PDE6B: variants seen among roughly 807,000 people sequenced by gnomAD.
PDE6B encodes phosphodiesterase 6B, also known as rod cGMP-specific 3',5'-cyclic phosphodiesterase subunit beta.
PDE6B carries 106 observed loss-of-function variants against 109.0 expected under a neutral mutation model. That is an observed-to-expected ratio of 0.97 (90% CI 0.83 to 1.14). The LOEUF is 1.14. Among genes scored for constraint, PDE6B ranks in the 50% most tolerant of loss-of-function variants. The pLI is 0.00. For synonymous variants in PDE6B, 490 were observed against 471.3 expected, an observed-to-expected ratio of 1.04 and a Z score of -0.51; for missense variants, 1,193 against 1,155.6, an observed-to-expected ratio of 1.03 and a Z score of -0.47.
chr4:628,373 A>T (rs909779359), intron 1 of PDE6B, among the ~76,000 whole-genome samples: 2 of 152,158 alleles, frequency 1.3e-5, no homozygotes, highest in Admixed American at 6.5e-5. Context: ...GCTGTGGTGG[A>T]AGAGTCCCTC....
intron 3 of PDE6B, among the ~76,000 whole-genome samples, chr4:651,369 G>A (rs535897345): frequency 2.2e-4 from 33 of 152,286 alleles, no homozygotes; most frequent in African/African-American, 7.2e-4. Context: ...CTCAGGGGGG[G>A]CCTCCTGGAA....
In PDE6B at chr4:654,344, GGGCTGGTCCCTGAATGAGGGCCGCCA is replaced by G. The variant is rs1420727507; in HGVS notation, c.927+199_927+224del. ...CTGCACTCCAGGGATGGGGTGTCCA[GGGCTGGTCCCTGAATGAGGGCCGCCA>G]GGCTGGTCGTGAAGACCCACGTCGG... is the stretch of plus-strand genomic sequence containing the variant. On this transcript the variant is annotated intron_variant, in intron 5 of 21. Transcript: ENST00000496514. 5.6e-5 allele frequency: 39 copies of G among 695,624 alleles called. No individual in the cohort carries two copies. In the African/African-American group the frequency reaches 6.0e-4, roughly 11 times the overall value. 43.1% of individuals were successfully genotyped at this position (695,624 alleles called of 1,614,324 possible).
chr4:625,750 C>A lies in PDE6B; in HGVS notation c.124C>A (p.Pro42Thr), dbSNP rs949398735. ...CGCGGCCTGCGAGGACGGGTGCCCGCCGGACTGCGACAGCCTCCGGGACCT... is the reference window on the plus strand; with the variant it reads ...CGCGGCCTGCGAGGACGGGTGCCCGACGGACTGCGACAGCCTCCGGGACCT... Reference protein sequence around the residue: ...VAAACEDGCPPDCDSLRDLCQ... With the variant: ...VAAACEDGCPTDCDSLRDLCQ... Residue 42 changes from proline to threonine, a missense_variant, in exon 1 of 22, where the codon CCG becomes ACG. By Grantham distance (38) the Pro-to-Thr change is conservative. Transcript: ENST00000496514. The surrounding 1 kb of genome is among the most constrained non-coding windows in gnomAD (Gnocchi z 5.0). 8 of 1,613,524 alleles carry A rather than the reference C, an allele frequency of 5.0e-6. No homozygotes were observed. The highest frequency in any genetic ancestry group is 5.9e-6 in the Non-Finnish European group (7 of 1,179,962).
intron 1 of PDE6B, among the ~76,000 whole-genome samples, chr4:630,445 C>T (rs1489380897): frequency 2.0e-5 from 3 of 152,128 alleles, no homozygotes; most frequent in Non-Finnish European, 4.4e-5. Context: ...GAAAGGAGAG[C>T]AGGTGTCAGT....
At position 625,843 on chromosome 4, in the gene PDE6B, G is replaced by C; in HGVS notation, c.217G>C (p.Glu73Gln). 6.2e-7 allele frequency: 1 copy of C among 1,612,740 alleles called. No homozygotes were observed. The highest frequency in any genetic ancestry group is 8.5e-7 in the Non-Finnish European group (1 of 1,179,818). ...VQDMQESINMERVVFKVLRRL... is the reference protein window; with the variant it reads ...VQDMQESINMQRVVFKVLRRL... The stretch of plus-strand genomic sequence containing the variant: ...GGATATGCAGGAGAGCATCAACATG[G>C]AGCGCGTGGTCTTCAAGGTCCTGCG... The change falls in exon 1 of 22, where the codon GAG (glutamate) becomes CAG (glutamine). Residue 73 changes from glutamate (E) to glutamine (Q), a missense_variant. Physicochemically the swap from Glu to Gln is conservative, Grantham distance 29. Coordinates refer to ENST00000496514, the MANE Select transcript of PDE6B (RefSeq NM_000283.4). This position sits in a 1 kb window ranked among gnomAD's most constrained non-coding sequence, Gnocchi z 5.0.
intron 1 of PDE6B, among the ~76,000 whole-genome samples, chr4:631,808 G>C (rs1270563935): frequency 6.7e-6 from 1 of 148,938 alleles, no homozygotes; most frequent in Non-Finnish European, 1.5e-5. Context: ...ACCATCAAAG[G>C]GTCATGAGGG....
Position 665,139 on chromosome 4 carries a change from G to T in PDE6B, c.2194-116G>T. 1.2e-6 allele frequency: 1 copy of T among 869,544 alleles called. No homozygotes were observed. The highest frequency in any genetic ancestry group is 1.4e-5 in the South Asian group (1 of 72,644). The allele number at this position is 869,544 out of a possible 1,614,324, so 53.9% of individuals were successfully genotyped here. A position where few individuals can be genotyped will look rare whatever the true frequency, so the allele number is the denominator to read the frequency against. ...TGGCTCAACCGGAGCCCTGTGTGGTGGGGACCCCGGGGGTCTGGGGCGGAG... is the reference window on the plus strand; with the variant it reads ...TGGCTCAACCGGAGCCCTGTGTGGTTGGGACCCCGGGGGTCTGGGGCGGAG... On this transcript the variant is annotated intron_variant, in intron 18 of 21. Transcript: ENST00000496514. The surrounding 1 kb of genome is among the most constrained non-coding windows in gnomAD (Gnocchi z 4.0).
chr4:662,630 A>C lies in PDE6B; in HGVS notation c.1832+12A>C. ...CTGTACCAGATGAAGTAGGCACCTC[A>C]GGGCGGGCATGTGAATTAGCCCTAA... is the stretch of plus-strand genomic sequence containing the variant. On this transcript the variant is annotated intron_variant, in intron 14 of 21. Coordinates refer to ENST00000496514, the MANE Select transcript of PDE6B (RefSeq NM_000283.4). This position sits in a 1 kb window ranked among gnomAD's most constrained non-coding sequence, Gnocchi z 4.3. 2 of 1,510,800 alleles carry C rather than the reference A, an allele frequency of 1.3e-6. No individual in the cohort carries two copies. Among genetic ancestry groups the C allele is most frequent in the Non-Finnish European group, 1.8e-6 (2 of 1,086,378 alleles). 93.6% of individuals were successfully genotyped at this position (1,510,800 alleles called of 1,614,324 possible). A position where few individuals can be genotyped will look rare whatever the true frequency, so the allele number is the denominator to read the frequency against.
rs1736048705 is a variant in PDE6B, at chr4:655,021, T to G, written c.992+133T>G. On this transcript the variant is annotated intron_variant, in intron 6 of 21. Coordinates refer to ENST00000496514, the MANE Select transcript of PDE6B (RefSeq NM_000283.4). ...AGCACCGGCCTGGCCTGGCCCCACC[T>G]GTGGTGCTCTGTGTGCCGTGGGGCA... is the stretch of plus-strand genomic sequence containing the variant. 4 of 714,762 alleles carry G rather than the reference T, an allele frequency of 5.6e-6. No individual in the cohort carries two copies. In the South Asian group the frequency reaches 5.9e-5, roughly 11 times the overall value. The allele number at this position is 714,762 out of a possible 1,614,324, so 44.3% of individuals were successfully genotyped here. A position where few individuals can be genotyped will look rare whatever the true frequency, so the allele number is the denominator to read the frequency against.
chr4:656,856 T>C lies in PDE6B; in HGVS notation c.1108-18T>C. The C allele has an allele frequency of 1.9e-6, 3 of 1,612,346 alleles. No individual in the cohort carries two copies. Among genetic ancestry groups the C allele is most frequent in the Non-Finnish European group, 2.5e-6 (3 of 1,179,664 alleles). On this transcript the variant is annotated intron_variant, in intron 8 of 21. Coordinates refer to ENST00000496514, the MANE Select transcript of PDE6B (RefSeq NM_000283.4). ...CCAGCCTCAGGGCGGAGCTCAGCTC[T>C]GGACACCGCTCCCGCAGGAAGGGGC...
intron 1 of PDE6B, 83 bp from the exon 2 acceptor site, chr4:634,594 A>C: frequency 3.5e-6 from 4 of 1,145,656 alleles, no homozygotes; most frequent in Non-Finnish European, 4.0e-6. Flanking sequence ...CAGCCCCCAC[A>C]GAGCTTGACG....
intron 1 of PDE6B, among the ~76,000 whole-genome samples, chr4:627,308 G>T (rs1355809087): frequency 6.6e-6 from 1 of 152,080 alleles, no homozygotes; most frequent in Non-Finnish European, 1.5e-5. Flanking sequence ...ACCACACCCG[G>T]CTAATTTTTG....
chr4:632,534 G>T (rs998053000), intron 1 of PDE6B, among the ~76,000 whole-genome samples: 6 of 151,310 alleles, frequency 4.0e-5, no homozygotes, highest in African/African-American at 1.5e-4. Flanking sequence ...ATCATGTTGT[G>T]TGGATCTGCA....
In PDE6B at chr4:670,069, G is replaced by A. The variant is rs367709559; in HGVS notation, c.2527G>A (p.Gly843Ser). Residue 843 changes from glycine to serine, a missense_variant, in exon 22 of 22, where the codon GGC (glycine) becomes AGC (serine). Transcript: ENST00000496514. ...AGTAGGCACAGAAATTTGCAATGGC[G>A]GCCCAGCACCCAAGTCTTCAACCTG... ...KKVGTEICNGGPAPKSSTCCI... is the reference protein window; with the variant it reads ...KKVGTEICNGSPAPKSSTCCI... 1.9e-5 allele frequency: 31 copies of A among 1,612,954 alleles called. No individual in the cohort carries two copies. Among genetic ancestry groups the A allele is most frequent in the East Asian group, 6.7e-5 (3 of 44,892 alleles).
At chr4:649,020 G>A (rs1029986765) in intron 3 of PDE6B, among the ~76,000 whole-genome samples, 1 of 152,138 alleles carries the variant, frequency 6.6e-6, no homozygotes, top group African/African-American at 2.4e-5. Context: ...GGGCAGTGGC[G>A]GGAGCCTGTT....
Position 662,208 on chromosome 4 carries a change from C to T in PDE6B, c.1689C>T (p.Phe563=). ...RITYHNWRHG[F]NVAQTMFTLL... Reference sequence around the variant, plus strand: ...CCTACCACAACTGGCGCCACGGCTTCAACGTGGCCCAGACGATGTTCACGC... The same window carrying T: ...CCTACCACAACTGGCGCCACGGCTTTAACGTGGCCCAGACGATGTTCACGC... Residue 563 remains phenylalanine, a synonymous_variant, in exon 13 of 22, where the codon TTC becomes TTT. Coordinates refer to ENST00000496514, the MANE Select transcript of PDE6B (RefSeq NM_000283.4). This position sits in a 1 kb window ranked among gnomAD's most constrained non-coding sequence, Gnocchi z 4.3. The T allele has an allele frequency of 6.4e-7, 1 of 1,574,198 alleles. No homozygotes were observed. The highest frequency in any genetic ancestry group is 8.6e-7 in the Non-Finnish European group (1 of 1,158,680).
chr4:654,836 T>TGCTTCTCAGGAAATTGTCTTCA lies in PDE6B; in HGVS notation c.940_941insGCTTCTCAGGAAATTGTCTTCA (p.Tyr314CysfsTer50). On this transcript the variant is annotated frameshift_variant, in exon 6 of 22. Transcript: ENST00000496514. LOFTEE classifies it high-confidence loss of function. Reference sequence around the variant, plus strand: ...TTCTGCTTCTCAGGAAATTGTCTTCTACAAAGTGATCGACTACGTCCTCCA... The same window carrying TGCTTCTCAGGAAATTGTCTTCA: ...TTCTGCTTCTCAGGAAATTGTCTTCTGCTTCTCAGGAAATTGTCTTCAACAAAGTGATCGACTACGTCCTCCA... The TGCTTCTCAGGAAATTGTCTTCA allele has an allele frequency of 6.4e-7, 1 of 1,566,026 alleles. No individual in the cohort carries two copies. Among genetic ancestry groups the TGCTTCTCAGGAAATTGTCTTCA allele is most frequent in the Non-Finnish European group, 8.8e-7 (1 of 1,136,078 alleles).
rs1361394674 is a variant in PDE6B, at chr4:662,090, T to TA, written c.1615-43dup. The TA allele has an allele frequency of 6.3e-6, 6 of 953,914 alleles. No homozygotes were observed. The highest frequency in any genetic ancestry group is 2.0e-5 in the Admixed American group (1 of 50,306). The allele number at this position is 953,914 out of a possible 1,614,324, so 59.1% of individuals were successfully genotyped here. A position where few individuals can be genotyped will look rare whatever the true frequency, so the allele number is the denominator to read the frequency against. ...CCACAGGTGCCGCTCTGGCGGGACT[T>TA]ACACGCTTGCCGCCGGAGCCCTGTG... On this transcript the variant is annotated intron_variant, in intron 12 of 21. Coordinates refer to ENST00000496514, the MANE Select transcript of PDE6B (RefSeq NM_000283.4). This position sits in a 1 kb window ranked among gnomAD's most constrained non-coding sequence, Gnocchi z 4.3.
At chr4:653,493 C>G (rs1735783583) in intron 3 of PDE6B, 1 of 488,464 alleles carries the variant, frequency 2.0e-6, no homozygotes, top group African/African-American at 2.0e-5. Context: ...CCGATGTTCT[C>G]AAAGCCCTGC....
Sources: gnomAD v4.1 joint callset for allele counts (sites outside exome capture counted in the v4.1 genomes callset) on GRCh38, gnomAD v4.1.1 for gene constraint, Gnocchi (gnomAD v3.1) non-coding constraint, MANE v1.5 for transcripts, NCBI Gene and HGNC (gene_info 2026-07-23, HGNC 2026-07-21) for gene names.